Variants in ADAM29 observed in about 807,000 individuals in gnomAD.
ADAM29 encodes ADAM metallopeptidase domain 29.
For missense variants in ADAM29, 969 were observed against 1,001.8 expected, an observed-to-expected ratio of 0.97 and a Z score of 0.44; for synonymous variants, 367 against 342.3, an observed-to-expected ratio of 1.07 and a Z score of -0.80.
intron 1 of ADAM29, among the ~76,000 whole-genome samples, chr4:174,919,236 C>G (rs1014332081): frequency 2.0e-5 from 3 of 152,094 alleles, no homozygotes; most frequent in African/African-American, 7.2e-5. Flanking sequence ...TAATATATCC[C>G]AAGGAGGTAA....
At chr4:174,944,058 C>T (rs1744698376) in intron 4 of ADAM29, among the ~76,000 whole-genome samples, 1 of 151,292 alleles carries the variant, frequency 6.6e-6, no homozygotes, top group East Asian at 1.9e-4. Flanking sequence ...ATTATAAATA[C>T]AATTATAAAT....
At chr4:174,956,320 C>A (rs1215877963) in intron 4 of ADAM29, among the ~76,000 whole-genome samples, 1 of 151,894 alleles carries the variant, frequency 6.6e-6, no homozygotes, top group Non-Finnish European at 1.5e-5. Context: ...AATTTAATTT[C>A]TTTAATGTAT....
At chr4:174,932,309 A>T (rs1743931823) in intron 3 of ADAM29, among the ~76,000 whole-genome samples, 1 of 151,726 alleles carries the variant, frequency 6.6e-6, no homozygotes, top group African/African-American at 2.4e-5. Flanking sequence ...AAAAAAAAGG[A>T]ATGACAATAT....
At chr4:174,944,572 G>T (rs1744731857) in intron 4 of ADAM29, among the ~76,000 whole-genome samples, 1 of 151,922 alleles carries the variant, frequency 6.6e-6, no homozygotes, top group Admixed American at 6.6e-5. Flanking sequence ...ATGTAAGTTT[G>T]TTGCATAGGC....
chr4:174,972,468 C>T (rs190871980), intron 4 of ADAM29, among the ~76,000 whole-genome samples: 1 of 152,242 alleles, frequency 6.6e-6, no homozygotes, highest in Admixed American at 6.5e-5. Flanking sequence ...GTCCAAACTA[C>T]CATTTCTATT....
chr4:174,947,047 G>C (rs1397470183), intron 4 of ADAM29, among the ~76,000 whole-genome samples: 1 of 151,922 alleles, frequency 6.6e-6, no homozygotes, highest in Non-Finnish European at 1.5e-5. Flanking sequence ...GTTTTTAATA[G>C]TCTCTGAGGG....
intron 1 of ADAM29, among the ~76,000 whole-genome samples, 161 bp downstream of exon 1, chr4:174,918,632 G>T (rs1377521496): frequency 6.6e-6 from 1 of 151,888 alleles, no homozygotes; most frequent in Non-Finnish European, 1.5e-5. Flanking sequence ...GCCCAAACTT[G>T]CCCCATACCC....
chr4:174,937,064 C>T (rs1744245355), intron 4 of ADAM29, 51 bp downstream of exon 4: 1 of 151,916 alleles, frequency 6.6e-6, no homozygotes, highest in Admixed American at 6.6e-5. Flanking sequence ...GTTTTAATTT[C>T]TATCACAATA....
intron 4 of ADAM29, among the ~76,000 whole-genome samples, chr4:174,955,317 T>A (rs1391205594): frequency 2.0e-5 from 3 of 151,890 alleles, no homozygotes; most frequent in Non-Finnish European, 4.4e-5. Context: ...TCATATCCTG[T>A]GGTATTAGGA....
intron 1 of ADAM29, among the ~76,000 whole-genome samples, chr4:174,919,184 G>T (rs1426784288): frequency 1.3e-5 from 2 of 152,032 alleles, no homozygotes; most frequent in Non-Finnish European, 2.9e-5. Flanking sequence ...TTCTGATGGG[G>T]ACTAAAATTT....
chr4:174,977,237 TGCATTGGGCTC>T lies in ADAM29; in HGVS notation c.1715_1725del (p.His572LeufsTer3). The T allele has an allele frequency of 1.2e-6, 2 of 1,614,094 alleles. No homozygotes were observed. Among genetic ancestry groups the T allele is most frequent in the South Asian group, 1.1e-5 (1 of 91,074 alleles). On this transcript the variant is annotated frameshift_variant, in exon 5 of 5. Transcript: ENST00000359240. LOFTEE classifies it low-confidence loss of function (END_TRUNC). The stretch of plus-strand genomic sequence containing the variant: ...CCCAATATGAGTGATCATACTACTG[TGCATTGGGCTC>T]GCTTCAATGACATAATGTGCTGGAG...
chr4:174,930,634 T>C (rs1233413794), intron 2 of ADAM29, among the ~76,000 whole-genome samples: 1 of 152,210 alleles, frequency 6.6e-6, no homozygotes, highest in Non-Finnish European at 1.5e-5. Context: ...TTCCTTCAAC[T>C]ATTAATTTTG....
At chr4:174,954,448 C>T (rs570517303) in intron 4 of ADAM29, among the ~76,000 whole-genome samples, 101 of 152,218 alleles carry the variant, frequency 6.6e-4, no homozygotes, top group African/African-American at 2.4e-3. Flanking sequence ...TTATTTTTTT[C>T]TCAATATTTC....
At position 174,977,450 on chromosome 4, in the gene ADAM29, G is replaced by T; in HGVS notation, c.1925G>T (p.Cys642Phe). 1.2e-6 allele frequency: 2 copies of T among 1,613,852 alleles called. No individual in the cohort carries two copies. The highest frequency in any genetic ancestry group is 1.7e-6 in the Non-Finnish European group (2 of 1,179,876). ...GGCATCTGCAACAATAAACATCACTGCCATTGCAATTATCTGTGGGACCCT... is the reference window on the plus strand; with the variant it reads ...GGCATCTGCAACAATAAACATCACTTCCATTGCAATTATCTGTGGGACCCT... ...KRGICNNKHH[C>F]HCNYLWDPPN... Residue 642 changes from cysteine (C) to phenylalanine (F), a missense_variant, in exon 5 of 5, where the codon TGC (cysteine) becomes TTC (phenylalanine). By Grantham distance (205) the Cys-to-Phe change is radical. Transcript: ENST00000359240.
chr4:174,946,825 C>T (rs981098444), intron 4 of ADAM29, among the ~76,000 whole-genome samples: 1 of 152,094 alleles, frequency 6.6e-6, no homozygotes, highest in East Asian at 1.9e-4. Context: ...ATGGTACCAG[C>T]TCTTCATTAC....
intron 4 of ADAM29, among the ~76,000 whole-genome samples, chr4:174,968,810 TTAA>T (rs1746300692): frequency 7.0e-6 from 1 of 143,172 alleles, no homozygotes; most frequent in African/African-American, 2.5e-5. Flanking sequence ...CACACACAGC[TTAA>T]TGTAATTTAG....
At chr4:174,951,169 T>C (rs1035494834) in intron 4 of ADAM29, among the ~76,000 whole-genome samples, 1 of 152,138 alleles carries the variant, frequency 6.6e-6, no homozygotes, top group African/African-American at 2.4e-5. Context: ...TTTTGAAAAA[T>C]ACCTGATACC....
intron 3 of ADAM29, among the ~76,000 whole-genome samples, chr4:174,935,511 T>A (rs1474477985): frequency 6.6e-6 from 1 of 152,094 alleles, no homozygotes; most frequent in East Asian, 1.9e-4. Context: ...TCTAGTAAGA[T>A]TTTTTTGCTT....
chr4:174,969,133 ATCT>A (rs1407813937), intron 4 of ADAM29, among the ~76,000 whole-genome samples: 4 of 151,556 alleles, frequency 2.6e-5, no homozygotes. Context: ...AATTAACATC[ATCT>A]TCTTCTTCAT....
Sources: gnomAD v4.1 joint callset for allele counts (sites outside exome capture counted in the v4.1 genomes callset) on GRCh38, gnomAD v4.1.1 for gene constraint, MANE v1.5 for transcripts, NCBI Gene and HGNC (gene_info 2026-07-23, HGNC 2026-07-21) for gene names.